Variants in AQR observed in about 807,000 individuals in gnomAD.
AQR encodes the protein RNA helicase aquarius.
AQR carries 61 observed loss-of-function variants against 180.5 expected under a neutral mutation model. The observed-to-expected ratio is 0.34, with a 90% CI of 0.28 to 0.42. The LOEUF (loss-of-function observed/expected upper bound fraction) is 0.42, where lower values mean the gene tolerates loss of function less well. AQR is among the 10% of genes least tolerant of loss of function. AQR has a pLI of 1.00. For missense variants in AQR, 1,281 were observed against 1,798.3 expected (o/e 0.71, Z 5.20); for synonymous variants, 551 against 588.8 (o/e 0.94, Z 0.93).
rs1412600453 is a variant in AQR at position 34,853,663 on chromosome 15, T to A, written c.*3129A>T. The A allele has an allele frequency of 6.6e-6, 1 of 152,154 alleles. No individual in the cohort carries two copies. Among genetic ancestry groups the A allele is most frequent in the Non-Finnish European group, 1.5e-5 (1 of 68,030 alleles). The allele number at this position is 152,154 out of a possible 1,614,324, so 9.4% of individuals were successfully genotyped here. ...CAAGTCAAAGGATTAGTTGGCAATATCCTACATTGTCAACAAAGCTTTGAA... is the reference window on the plus strand; with the variant it reads ...CAAGTCAAAGGATTAGTTGGCAATAACCTACATTGTCAACAAAGCTTTGAA... On this transcript the variant is annotated 3_prime_UTR_variant, in exon 35 of 35. Coordinates refer to ENST00000156471, the MANE Select transcript of AQR (RefSeq NM_014691.3).
chr15:34,867,439 T>A (rs1462122353), intron 32 of AQR, 85 bp downstream of exon 32: 1 of 1,196,076 alleles, frequency 8.4e-7, no homozygotes, highest in African/African-American at 1.5e-5. Flanking sequence ...ACTTAAAAAA[T>A]ATTTAGAACA....
At chr15:34,893,530 G>A in intron 23 of AQR, 133 bp downstream of exon 23, 1 of 665,530 alleles carries the variant, frequency 1.5e-6, no homozygotes, top group South Asian at 2.2e-5. Context: ...TAGATTTCTT[G>A]AAGAGGAACT....
At chr15:34,887,014 AC>A (rs1393383526) in intron 24 of AQR, among the ~76,000 whole-genome samples, 1 of 152,028 alleles carries the variant, frequency 6.6e-6, no homozygotes, top group Non-Finnish European at 1.5e-5. Flanking sequence ...AGTCCCAGCT[AC>A]TTGGGAGGCC....
intron 24 of AQR, among the ~76,000 whole-genome samples, chr15:34,889,537 G>A (rs1595787509): frequency 6.6e-6 from 1 of 152,102 alleles, no homozygotes; most frequent in Admixed American, 6.5e-5. Flanking sequence ...AAATACTAAT[G>A]GCAGAAGAAA....
intron 24 of AQR, among the ~76,000 whole-genome samples, chr15:34,886,895 C>T (rs552093079): frequency 4.0e-5 from 6 of 151,588 alleles, no homozygotes; most frequent in East Asian, 3.9e-4. Context: ...GAGGCTGAGG[C>T]GGACAGATCA....
intron 13 of AQR, among the ~76,000 whole-genome samples, chr15:34,923,071 A>G (rs1488003492): frequency 6.6e-6 from 1 of 152,230 alleles, no homozygotes; most frequent in East Asian, 1.9e-4. Flanking sequence ...ATAGTTAAGT[A>G]TAGTAGAATA....
chr15:34,939,027 T>C (rs988779074), intron 8 of AQR, among the ~76,000 whole-genome samples: 1 of 152,182 alleles, frequency 6.6e-6, no homozygotes. Context: ...ATAAGCCACC[T>C]AAGCAAGCAC....
At chr15:34,867,632 ATGG>A in intron 31 of AQR, 23 bp from the exon 32 acceptor site, 5 of 1,582,120 alleles carry the variant, frequency 3.2e-6, no homozygotes, top group Non-Finnish European at 4.3e-6. Flanking sequence ...AATGGAAAAT[ATGG>A]TGCATTTGCA....
intron 20 of AQR, among the ~76,000 whole-genome samples, chr15:34,900,132 G>C (rs1306789018): frequency 6.6e-6 from 1 of 152,066 alleles, no homozygotes; most frequent in Non-Finnish European, 1.5e-5. Flanking sequence ...GCCTCAAGCA[G>C]TCCTCCCGCC....
chr15:34,912,414 C>T (rs997429903), intron 16 of AQR, among the ~76,000 whole-genome samples: 1 of 151,992 alleles, frequency 6.6e-6, no homozygotes, highest in Non-Finnish European at 1.5e-5. Flanking sequence ...GACCTCTTTA[C>T]TTAGTTTTAT....
intron 20 of AQR, among the ~76,000 whole-genome samples, chr15:34,899,519 T>C (rs763286412): frequency 2.0e-5 from 3 of 151,368 alleles, no homozygotes; most frequent in Non-Finnish European, 2.9e-5. Flanking sequence ...GCTGGGACTG[T>C]AGGCACACAC....
At chr15:34,941,545 G>A (rs1894022557) in intron 7 of AQR, among the ~76,000 whole-genome samples, 1 of 152,118 alleles carries the variant, frequency 6.6e-6, no homozygotes, top group African/African-American at 2.4e-5. Context: ...TCTGAATAAA[G>A]CATTACAATG....
At chr15:34,946,526 A>G (rs1418570806) in intron 5 of AQR, among the ~76,000 whole-genome samples, 10 of 86,200 alleles carry the variant, frequency 1.2e-4, no homozygotes, top group East Asian at 4.0e-4. Flanking sequence ...TCCGGGAGGG[A>G]GGTGAGGGGG....
At chr15:34,917,837 A>G (rs867190830) in intron 15 of AQR, among the ~76,000 whole-genome samples, 18 of 149,306 alleles carry the variant, frequency 1.2e-4, no homozygotes, top group South Asian at 4.3e-4. Flanking sequence ...AAAAAAAAAA[A>G]GCTGGGTGTG....
chr15:34,943,562 G>T (rs1894062585), intron 6 of AQR, among the ~76,000 whole-genome samples: 2 of 152,068 alleles, frequency 1.3e-5, no homozygotes, highest in Admixed American at 6.6e-5. Context: ...AGATCCATGT[G>T]AGATAGTACA....
chr15:34,890,065 T>G (rs1035326622), intron 24 of AQR, 150 bp downstream of exon 24: 13 of 601,244 alleles, frequency 2.2e-5, no homozygotes, highest in African/African-American at 7.6e-5. Context: ...CATGACCATA[T>G]TTCTAGCTCA....
intron 31 of AQR, 66 bp downstream of exon 31, chr15:34,870,686 A>T (rs750754095): frequency 1.4e-6 from 2 of 1,390,088 alleles, no homozygotes; most frequent in African/African-American, 2.9e-5. Flanking sequence ...GCAAAGCAGA[A>T]CAATATAAAC....
chr15:34,953,981 C>G (rs1414424704), intron 3 of AQR, among the ~76,000 whole-genome samples: 1 of 152,220 alleles, frequency 6.6e-6, no homozygotes, highest in Non-Finnish European at 1.5e-5. Context: ...GTGGCACGAT[C>G]TCGGTACACT....
intron 27 of AQR, among the ~76,000 whole-genome samples, chr15:34,876,647 C>A (rs952624529): frequency 1.1e-4 from 16 of 152,126 alleles, no homozygotes; most frequent in African/African-American, 3.6e-4. Context: ...ACTTATACAA[C>A]TCCTTATTTC....
Sources: gnomAD v4.1 joint callset for allele counts (sites outside exome capture counted in the v4.1 genomes callset) on GRCh38, gnomAD v4.1.1 for gene constraint, MANE v1.5 for transcripts, NCBI Gene and HGNC (gene_info 2026-07-23, HGNC 2026-07-21) for gene names.